The following TCEANC2 variants were observed in gnomAD, a reference collection of about 807,000 sequenced individuals.
TCEANC2 encodes the protein transcription elongation factor A N-terminal and central domain containing 2, also known as transcription elongation factor A N-terminal and central domain-containing protein 2.
Under a neutral mutation model 22.8 loss-of-function variants are expected in TCEANC2, and 20 were observed. The ratio of observed to expected loss-of-function variants is 0.88; its 90% CI spans 0.62 to 1.28. The LOEUF (loss-of-function observed/expected upper bound fraction) is 1.28, where lower values mean the gene tolerates loss of function less well. Among genes scored for constraint, TCEANC2 ranks in the 50% most tolerant of loss-of-function variants. TCEANC2 has a pLI of 0.00. For synonymous variants in TCEANC2, 84 were observed against 95.5 expected, an observed-to-expected ratio of 0.88 and a Z score of 0.70; for missense variants, 251 against 249.7, an observed-to-expected ratio of 1.01 and a Z score of -0.03.
At chr1:54,072,167 T>G (rs1009586771) in intron 3 of TCEANC2, among the ~76,000 whole-genome samples, 8 of 152,166 alleles carry the variant, frequency 5.3e-5, no homozygotes, top group African/African-American at 1.7e-4. Context: ...TGCCTCCTTC[T>G]GAGATTCTAT....
In TCEANC2 at chr1:54,100,890, T is replaced by G. The variant is rs527366329; in HGVS notation, c.*4417T>G. On this transcript the variant is annotated 3_prime_UTR_variant, in exon 5 of 5. Transcript: ENST00000234827. ...CAAAAACAGATATTTTAAGAAAATT[T>G]TAAACATTCAAAAGAAACCCAACAA... is the stretch of plus-strand genomic sequence containing the variant. 6.6e-6 allele frequency: 1 copy of G among 151,746 alleles called. No homozygotes were observed. The highest frequency in any genetic ancestry group is 2.4e-5 in the African/African-American group (1 of 41,486). 9.4% of individuals were successfully genotyped at this position (151,746 alleles called of 1,614,324 possible).
chr1:54,095,664 C>T lies in TCEANC2; in HGVS notation c.439-621C>T, dbSNP rs532361960. On this transcript the variant is annotated intron_variant, in intron 4 of 4. Coordinates refer to ENST00000234827, the MANE Select transcript of TCEANC2 (RefSeq NM_153035.3). ...GTCTCTCCAATCTCAACCATTCTCT[C>T]GGAATGTTGAAGGGGCCATTAGTAT... 3.9e-4 allele frequency among the ~76,000 whole-genome samples: 59 copies of T among 152,224 alleles called. 1 individual carries two copies. Among genetic ancestry groups the T allele is most frequent in the African/African-American group, 1.4e-3 (57 of 41,530 alleles).
rs1658002565 is a variant in TCEANC2, at chr1:54,068,790, A to C, written c.137A>C (p.Lys46Thr). The change falls in exon 3 of 5, where the codon AAA (lysine) becomes ACA (threonine). Residue 46 changes from lysine to threonine, a missense_variant. Physicochemically the swap from Lys to Thr is moderately conservative, Grantham distance 78. Transcript: ENST00000234827. ...GTTGTAGAAGACATAAAAAGATGGA[A>C]AACTATGCTGGAGCTTCCTGATCAA... Reference protein sequence around the residue: ...VVVVEDIKRWKTMLELPDQTK... With the variant: ...VVVVEDIKRWTTMLELPDQTK... The C allele has an allele frequency of 6.2e-7, 1 of 1,609,110 alleles. No homozygotes were observed.
At chr1:54,056,769 C>G (rs1322078285) in intron 2 of TCEANC2, among the ~76,000 whole-genome samples, 1 of 152,090 alleles carries the variant, frequency 6.6e-6, no homozygotes, top group Non-Finnish European at 1.5e-5. Context: ...AGGCTGGACT[C>G]AGTGGCTCAT....
In TCEANC2 at chr1:54,091,862, T is replaced by A. The variant is rs114216504; in HGVS notation, c.438+3072T>A. On this transcript the variant is annotated intron_variant, in intron 4 of 4. Coordinates refer to ENST00000234827, the MANE Select transcript of TCEANC2 (RefSeq NM_153035.3). Reference sequence around the variant, plus strand: ...TTCCTACCTCACGGCCTGTGATCATTTTCCTATTATGTCATTTAAAAAAAT... The same window carrying A: ...TTCCTACCTCACGGCCTGTGATCATATTCCTATTATGTCATTTAAAAAAAT... 2.3e-3 allele frequency among the ~76,000 whole-genome samples: 346 copies of A among 152,296 alleles called. 2 individuals are homozygous for A. The highest frequency in any genetic ancestry group is 0.01 in the South Asian group (49 of 4,820).
At position 54,099,675 on chromosome 1, in the gene TCEANC2, T is replaced by G. The variant is rs898697389; in HGVS notation, c.*3202T>G. ...ATGAGAATCGCTTGAACCTGGGAGATGGAGGCTGCAGTAAGCCAAGATTGT... is the reference window on the plus strand; with the variant it reads ...ATGAGAATCGCTTGAACCTGGGAGAGGGAGGCTGCAGTAAGCCAAGATTGT... On this transcript the variant is annotated 3_prime_UTR_variant, in exon 5 of 5. Coordinates refer to ENST00000234827, the MANE Select transcript of TCEANC2 (RefSeq NM_153035.3). The G allele has an allele frequency of 6.9e-6, 1 of 145,728 alleles. No individual in the cohort carries two copies. The highest frequency in any genetic ancestry group is 1.5e-5 in the Non-Finnish European group (1 of 67,094). 9.0% of individuals were successfully genotyped at this position (145,728 alleles called of 1,614,324 possible).
rs1658747857 is a variant in TCEANC2 at position 54,105,967 on chromosome 1, G to GC, written c.*9496dup. On this transcript the variant is annotated 3_prime_UTR_variant, in exon 5 of 5. Transcript: ENST00000234827. The stretch of plus-strand genomic sequence containing the variant: ...ATAGTAAATATTTTAAGCTTTGTGA[G>GC]CCACATGGTCTCTGTCACAACTATT... 6.6e-6 allele frequency: 1 copy of GC among 152,128 alleles called. No individual in the cohort carries two copies. Among genetic ancestry groups the GC allele is most frequent in the African/African-American group, 2.4e-5 (1 of 41,394 alleles). The allele number at this position is 152,128 out of a possible 1,614,324, so 9.4% of individuals were successfully genotyped here.
Position 54,097,744 on chromosome 1 carries a change from A to T in TCEANC2, c.*1271A>T, listed in dbSNP as rs766778202. 3.9e-5 allele frequency: 6 copies of T among 152,176 alleles called. No individual in the cohort carries two copies. Among genetic ancestry groups the T allele is most frequent in the African/African-American group, 9.7e-5 (4 of 41,432 alleles). The allele number at this position is 152,176 out of a possible 1,614,324, so 9.4% of individuals were successfully genotyped here. A position where few individuals can be genotyped will look rare whatever the true frequency, so the allele number is the denominator to read the frequency against. On this transcript the variant is annotated 3_prime_UTR_variant, in exon 5 of 5. Transcript: ENST00000234827. ...TTTATTTAGCAACCATTTCCTGAGC[A>T]TCCATTCTGTGGGGTAGGTGTATAC...
intron 3 of TCEANC2, among the ~76,000 whole-genome samples, chr1:54,072,393 A>G (rs768350407): frequency 2.1e-5 from 3 of 144,484 alleles, no homozygotes; most frequent in Non-Finnish European, 4.5e-5. Flanking sequence ...TATCCCCCCC[A>G]AATTTTTTTT....
intron 4 of TCEANC2, among the ~76,000 whole-genome samples, chr1:54,093,081 G>A (rs1004915562): frequency 1.3e-5 from 2 of 152,234 alleles, no homozygotes; most frequent in Non-Finnish European, 2.9e-5. Context: ...AGAATTGTTA[G>A]TGAGTAAGGC....
chr1:54,073,151 G>A (rs756066662), intron 3 of TCEANC2, among the ~76,000 whole-genome samples: 1 of 152,060 alleles, frequency 6.6e-6, no homozygotes, highest in Non-Finnish European at 1.5e-5. Context: ...ATGTTTTGTA[G>A]AGAAGGGGTC....
intron 3 of TCEANC2, among the ~76,000 whole-genome samples, chr1:54,080,637 T>C (rs1015746085): frequency 2.0e-5 from 3 of 152,236 alleles, no homozygotes; most frequent in African/African-American, 4.8e-5. Flanking sequence ...TTCCTAGAGC[T>C]CCTTGAATAC....
chr1:54,084,040 T>C (rs1367087319), intron 3 of TCEANC2, among the ~76,000 whole-genome samples: 1 of 151,592 alleles, frequency 6.6e-6, no homozygotes, highest in Non-Finnish European at 1.5e-5. Context: ...TTTGAGACCG[T>C]CTTGATCTGT....
intron 3 of TCEANC2, 73 bp downstream of exon 3, chr1:54,068,970 C>T: frequency 7.3e-7 from 1 of 1,373,234 alleles, no homozygotes; most frequent in Non-Finnish European, 9.5e-7. Context: ...TTCCTCTCTC[C>T]TTCAAACATG....
intron 3 of TCEANC2, 81 bp downstream of exon 3, chr1:54,068,978 A>G (rs917177101): frequency 6.9e-5 from 93 of 1,347,726 alleles, no homozygotes; most frequent in Non-Finnish European, 8.5e-5. Context: ...TCCTTCAAAC[A>G]TGAAGTTATC....
At chr1:54,059,871 G>A (rs1178100216) in intron 2 of TCEANC2, among the ~76,000 whole-genome samples, 1 of 152,208 alleles carries the variant, frequency 6.6e-6, no homozygotes, top group African/African-American at 2.4e-5. Context: ...AACAGCTTAT[G>A]CCCAGCACAA....
At chr1:54,065,716 AAT>A (rs112344177) in intron 2 of TCEANC2, among the ~76,000 whole-genome samples, 4 of 150,348 alleles carry the variant, frequency 2.7e-5, no homozygotes, top group Admixed American at 1.3e-4. Flanking sequence ...CTGTCTCAAA[AAT>A]ATATATATAT....
chr1:54,088,707 T>C lies in TCEANC2; in HGVS notation c.355T>C (p.Ser119Pro). ...CACTGAAAAACATTCAAATAGACCT[T>C]CTATTGAAGTTAGAAGTGATCCCAA... ...TFTEKHSNRP[S>P]IEVRSDPKTE... is the part of the protein sequence containing the mutation. The change falls in exon 4 of 5, where the codon TCT (serine) becomes CCT (proline). Residue 119 changes from serine (S) to proline (P), a missense_variant. Transcript: ENST00000234827. The C allele has an allele frequency of 6.2e-7, 1 of 1,611,282 alleles. No individual in the cohort carries two copies. Among genetic ancestry groups the C allele is most frequent in the Non-Finnish European group, 8.5e-7 (1 of 1,179,076 alleles).
chr1:54,104,849 C>T lies in TCEANC2; in HGVS notation c.*8376C>T. ...GAGCCACTGCGCCTGGCCCCTTGCCCAATATTTATAAAATAATTATACAAG... is the reference window on the plus strand; with the variant it reads ...GAGCCACTGCGCCTGGCCCCTTGCCTAATATTTATAAAATAATTATACAAG... On this transcript the variant is annotated 3_prime_UTR_variant, in exon 5 of 5. Coordinates refer to ENST00000234827, the MANE Select transcript of TCEANC2 (RefSeq NM_153035.3). 1 of 325,230 alleles carries T rather than the reference C, an allele frequency of 3.1e-6. No individual in the cohort carries two copies. The highest frequency in any genetic ancestry group is 6.2e-6 in the Non-Finnish European group (1 of 160,966). 20.1% of individuals were successfully genotyped at this position (325,230 alleles called of 1,614,324 possible). A position where few individuals can be genotyped will look rare whatever the true frequency, so the allele number is the denominator to read the frequency against.
Sources: gnomAD v4.1 joint callset for allele counts (sites outside exome capture counted in the v4.1 genomes callset) on GRCh38, gnomAD v4.1.1 for gene constraint, MANE v1.5 for transcripts, NCBI Gene and HGNC (gene_info 2026-07-23, HGNC 2026-07-21) for gene names.